Variants in RNF150 observed in about 807,000 individuals in gnomAD.
RNF150 encodes ring finger protein 150.
Under a neutral mutation model 39.3 loss-of-function variants are expected in RNF150, and 24 were observed. The ratio of observed to expected loss-of-function variants is 0.61; its 90% CI spans 0.44 to 0.86. RNF150 has a LOEUF of 0.86. Ranked by LOEUF, RNF150 falls within the 40% of genes least tolerant of loss-of-function variation. The probability of loss-of-function intolerance (pLI) is 0.00; values close to 1 mark genes in which losing one functional copy is unlikely to be tolerated. For missense variants in RNF150, 502 were observed against 587.8 expected (o/e 0.85, Z 1.51); for synonymous variants, 255 against 227.3 (o/e 1.12, Z -1.10).
Position 141,132,146 on chromosome 4 carries a change from T to C in RNF150, c.484+179A>G, listed in dbSNP as rs1345614403. Among the ~76,000 whole-genome samples the C allele has an allele frequency of 2.0e-5, 3 of 152,178 alleles. No homozygotes were observed. The highest frequency in any genetic ancestry group is 7.2e-5 in the African/African-American group (3 of 41,450). On this transcript the variant is annotated intron_variant, in intron 1 of 6. Transcript: ENST00000515673. This position sits in a 1 kb window ranked among gnomAD's most constrained non-coding sequence, Gnocchi z 4.9. The stretch of plus-strand genomic sequence containing the variant: ...TCTCCCCTACCCAATACAGTTAATC[T>C]TCTCCTCTTTGTAAACCCCCCAAGT...
chr4:140,929,448 G>A (rs1731533640), intron 4 of RNF150, among the ~76,000 whole-genome samples: 2 of 135,554 alleles, frequency 1.5e-5, no homozygotes, highest in Non-Finnish European at 3.1e-5. Flanking sequence ...CTCACTGCAA[G>A]CTCTGCCTCC....
At chr4:140,903,997 G>C (rs1406805926) in intron 6 of RNF150, among the ~76,000 whole-genome samples, 1 of 152,220 alleles carries the variant, frequency 6.6e-6, no homozygotes, top group Non-Finnish European at 1.5e-5. Context: ...GGATTGGCAA[G>C]TGTTTTCAAT....
At chr4:141,212,721 CT>C (rs1728490332) in intron 1 of RNF150, 1 of 152,302 alleles carries the variant, frequency 6.6e-6, no homozygotes, top group Admixed American at 6.5e-5. Context: ...CTGTTCTAGT[CT>C]GTTCTAACAC....
intron 5 of RNF150, among the ~76,000 whole-genome samples, chr4:140,915,231 A>G (rs1249184759): frequency 6.6e-6 from 1 of 152,246 alleles, no homozygotes; most frequent in Non-Finnish European, 1.5e-5. Context: ...TTCTTTGAAT[A>G]AGAAGAAATG....
At chr4:141,121,435 CA>C (rs1180135109) in intron 1 of RNF150, among the ~76,000 whole-genome samples, 1 of 152,190 alleles carries the variant, frequency 6.6e-6, no homozygotes, top group Non-Finnish European at 1.5e-5. Context: ...CCACAATGAG[CA>C]GAAGAGGGTA....
At position 141,195,754 on chromosome 4, in the gene RNF150, A is replaced by T. The variant is rs1728191720; in HGVS notation, c.-6+17040T>A. ...TTTAAAAAGGTTCTATTTTTATGTG[A>T]CAAGGTTTGCAATCTGAGGGTTTTA... On this transcript the variant is annotated intron_variant, in intron 1 of 7. Transcript: ENST00000420921. Among the ~76,000 whole-genome samples the T allele has an allele frequency of 2.0e-5, 3 of 152,222 alleles. No individual in the cohort carries two copies. In the South Asian group the frequency reaches 6.2e-4, roughly 32 times the overall value.
chr4:141,026,925 A>T (rs542468833), intron 1 of RNF150, among the ~76,000 whole-genome samples: 6 of 152,316 alleles, frequency 3.9e-5, no homozygotes, highest in African/African-American at 1.4e-4. Flanking sequence ...ATACCTGAGC[A>T]GGGGGAGTGA....
chr4:141,181,781 C>T (rs1727913294), intron 1 of RNF150, among the ~76,000 whole-genome samples: 1 of 152,128 alleles, frequency 6.6e-6, no homozygotes, highest in South Asian at 2.1e-4. Context: ...TGTTGTGCTG[C>T]ATGGTAATTG....
chr4:140,911,009 G>T, intron 6 of RNF150, 135 bp downstream of exon 6: 1 of 709,196 alleles, frequency 1.4e-6, no homozygotes, highest in Non-Finnish European at 2.4e-6. Flanking sequence ...CTAACAGCTG[G>T]CAGTTATAAC....
chr4:141,047,990 G>A (rs1736641917), intron 1 of RNF150, among the ~76,000 whole-genome samples: 2 of 152,102 alleles, frequency 1.3e-5, no homozygotes, highest in African/African-American at 4.8e-5. Flanking sequence ...TGGCACTTAA[G>A]AAACACGTCT....
intron 1 of RNF150, among the ~76,000 whole-genome samples, chr4:141,121,654 C>T (rs1726608603): frequency 6.6e-6 from 1 of 152,104 alleles, no homozygotes; most frequent in South Asian, 2.1e-4. Context: ...CATGTGTTTG[C>T]CTTCTTGCTG....
Position 140,969,913 on chromosome 4 carries a change from G to A in RNF150, c.485-2040C>T, listed in dbSNP as rs976356119. Among the ~76,000 whole-genome samples the A allele has an allele frequency of 2.2e-4, 33 of 151,762 alleles. 1 individual carries two copies. Among genetic ancestry groups the A allele is most frequent in the Admixed American group, 1.4e-3 (21 of 15,222 alleles). The stretch of plus-strand genomic sequence containing the variant: ...CAAGTAGCTGGGACTACAGGTATGC[G>A]CCATCATGCCTTGCTAATTTTTGTC... On this transcript the variant is annotated intron_variant, in intron 1 of 6. Transcript: ENST00000515673.
chr4:141,136,148 T>C (rs1419937152), upstream of RNF150, among the ~76,000 whole-genome samples: 1 of 152,190 alleles, frequency 6.6e-6, no homozygotes, highest in Non-Finnish European at 1.5e-5. Flanking sequence ...CCAGATTGGC[T>C]CCTAGACCAG....
At chr4:141,146,501 ATCT>A (rs1727202736) in intron 1 of RNF150, among the ~76,000 whole-genome samples, 1 of 152,234 alleles carries the variant, frequency 6.6e-6, no homozygotes, top group Non-Finnish European at 1.5e-5. Context: ...AGGTTGGGCC[ATCT>A]TCTTATTTAT....
At chr4:141,144,331 A>G (rs1297149667) in intron 1 of RNF150, among the ~76,000 whole-genome samples, 1 of 152,216 alleles carries the variant, frequency 6.6e-6, no homozygotes, top group Non-Finnish European at 1.5e-5. Flanking sequence ...CACATATCAG[A>G]CTAAGCTTTC....
At chr4:141,002,492 A>G (rs1336093396) in intron 1 of RNF150, among the ~76,000 whole-genome samples, 1 of 152,132 alleles carries the variant, frequency 6.6e-6, no homozygotes, top group East Asian at 1.9e-4. Context: ...TTATATAAAC[A>G]CTCACTATTT....
intron 1 of RNF150, among the ~76,000 whole-genome samples, chr4:141,184,754 A>G (rs1025101164): frequency 6.6e-6 from 1 of 152,174 alleles, no homozygotes; most frequent in African/African-American, 2.4e-5. Context: ...CTTTTATTAA[A>G]TAGGGAATCC....
At position 140,865,320 on chromosome 4, in the gene RNF150, C is replaced by T. The variant is rs1457507173; in HGVS notation, c.*2941G>A. 1.3e-5 allele frequency: 2 copies of T among 152,294 alleles called. No homozygotes were observed. Among genetic ancestry groups the T allele is most frequent in the Non-Finnish European group, 2.9e-5 (2 of 68,016 alleles). 9.4% of individuals were successfully genotyped at this position (152,294 alleles called of 1,614,324 possible). A position where few individuals can be genotyped will look rare whatever the true frequency, so the allele number is the denominator to read the frequency against. ...AAAATTATGTCTGTGACTTGCATTA[C>T]GTTTCTGTTGGACAGTGCTAGTCTA... On this transcript the variant is annotated 3_prime_UTR_variant, in exon 7 of 7. Transcript: ENST00000515673.
At chr4:141,055,086 G>A (rs570997120) in intron 1 of RNF150, among the ~76,000 whole-genome samples, 17 of 152,248 alleles carry the variant, frequency 1.1e-4, no homozygotes, top group African/African-American at 4.1e-4. Context: ...TGGTTTGGAA[G>A]GAATAGTGGT....
Sources: allele counts gnomAD v4.1 joint callset (sites outside exome capture counted in the v4.1 genomes callset), GRCh38; gene constraint gnomAD v4.1.1; non-coding constraint Gnocchi (gnomAD v3.1); transcripts MANE v1.5; gene names NCBI Gene and HGNC (gene_info 2026-07-23, HGNC 2026-07-21).